The following THSD4 variants were observed in gnomAD, a reference collection of about 807,000 sequenced individuals.
THSD4 encodes the protein thrombospondin type 1 domain containing 4, also known as thrombospondin type-1 domain-containing protein 4.
A neutral mutation model predicts 119.0 loss-of-function variants in THSD4; 69 were observed. That is an observed-to-expected ratio of 0.58 (90% CI 0.48 to 0.71). The LOEUF is 0.71. Ranked by LOEUF, THSD4 falls within the 30% of genes least tolerant of loss-of-function variation. The probability of loss-of-function intolerance (pLI) is 0.00; values close to 1 mark genes in which losing one functional copy is unlikely to be tolerated. For missense variants in THSD4, 1,393 were observed against 1,391.1 expected (o/e 1.00, Z -0.02); for synonymous variants, 524 against 540.4 (o/e 0.97, Z 0.42).
intron 1 of THSD4, among the ~76,000 whole-genome samples, chr15:71,129,241 A>T (rs1381263713): frequency 6.6e-6 from 1 of 152,206 alleles, no homozygotes; most frequent in Middle Eastern, 3.2e-3. Context: ...TGCCTGAATG[A>T]GCGTGCAGGT....
At chr15:71,469,098 G>T (rs981399544) in intron 7 of THSD4, among the ~76,000 whole-genome samples, 1 of 152,174 alleles carries the variant, frequency 6.6e-6, no homozygotes, top group African/African-American at 2.4e-5. Flanking sequence ...TTCTTGCCTT[G>T]CTTAATTTGA....
chr15:71,549,442 A>G (rs533929269), intron 7 of THSD4, among the ~76,000 whole-genome samples: 4 of 152,230 alleles, frequency 2.6e-5, no homozygotes, highest in East Asian at 3.9e-4. Flanking sequence ...TACAATTAGG[A>G]TTCCTTTTTC....
intron 7 of THSD4, among the ~76,000 whole-genome samples, chr15:71,442,550 C>A (rs2047112549): frequency 1.1e-5 from 1 of 94,306 alleles, no homozygotes; most frequent in African/African-American, 4.1e-5. Context: ...GCCTGGGCAA[C>A]AGAGCAAAAC....
chr15:71,184,420 C>A (rs897976841), intron 3 of THSD4, among the ~76,000 whole-genome samples: 28 of 151,718 alleles, frequency 1.8e-4, no homozygotes, highest in African/African-American at 6.5e-4. Context: ...ATGCCCCGTG[C>A]CCTTGTTAAG....
At chr15:71,614,705 T>A (rs2050291432) in intron 7 of THSD4, among the ~76,000 whole-genome samples, 1 of 152,192 alleles carries the variant, frequency 6.6e-6, no homozygotes, top group South Asian at 2.1e-4. Context: ...TTGGTTATGA[T>A]CATGGTAGAG....
chr15:71,408,738 G>A (rs1441598629), intron 6 of THSD4, among the ~76,000 whole-genome samples: 1 of 152,090 alleles, frequency 6.6e-6, no homozygotes, highest in Non-Finnish European at 1.5e-5. Flanking sequence ...TGTAGTCCCA[G>A]CTACTCGGGA....
chr15:71,696,725 A>G (rs2052172519), intron 8 of THSD4, among the ~76,000 whole-genome samples: 1 of 152,194 alleles, frequency 6.6e-6, no homozygotes, highest in Admixed American at 6.5e-5. Context: ...AAATAACTTT[A>G]ACTAAAGAGA....
intron 6 of THSD4, among the ~76,000 whole-genome samples, chr15:71,387,442 T>A (rs950157375): frequency 1.1e-4 from 16 of 152,194 alleles, no homozygotes; most frequent in Non-Finnish European, 2.4e-4. Flanking sequence ...TTGTTTTCCT[T>A]CCCTAGAGTC....
chr15:71,243,696 A>G (rs573843653), intron 5 of THSD4, among the ~76,000 whole-genome samples: 4 of 152,264 alleles, frequency 2.6e-5, no homozygotes, highest in Admixed American at 2.6e-4. Context: ...TATCAGTTCA[A>G]TAAATATTTA....
intron 6 of THSD4, among the ~76,000 whole-genome samples, chr15:71,298,884 A>G (rs1403062167): frequency 6.6e-6 from 1 of 152,208 alleles, no homozygotes; most frequent in Non-Finnish European, 1.5e-5. Flanking sequence ...AAGTGCCAGG[A>G]TTACAGGCGT....
intron 7 of THSD4, among the ~76,000 whole-genome samples, chr15:71,539,307 T>C (rs958715164): frequency 6.6e-6 from 1 of 152,248 alleles, no homozygotes; most frequent in Non-Finnish European, 1.5e-5. Context: ...CCAGCTGCTT[T>C]CTTGACAAGA....
At chr15:71,257,930 A>C (rs1009666861) in intron 6 of THSD4, among the ~76,000 whole-genome samples, 2 of 152,082 alleles carry the variant, frequency 1.3e-5, no homozygotes, top group African/African-American at 4.8e-5. Flanking sequence ...GGTGGGGAAC[A>C]GGGTGAAGGG....
At chr15:71,512,329 A>G in intron 7 of THSD4, among the ~76,000 whole-genome samples, 1 of 152,226 alleles carries the variant, frequency 6.6e-6, no homozygotes, top group East Asian at 1.9e-4. Context: ...CAGCTTTATT[A>G]GGAGTACTGG....
chr15:71,643,720 A>G (rs1357658196), intron 7 of THSD4, among the ~76,000 whole-genome samples: 1 of 152,198 alleles, frequency 6.6e-6, no homozygotes, highest in Non-Finnish European at 1.5e-5. Flanking sequence ...ACATGTGGCT[A>G]TTTTGTCCAT....
At chr15:71,642,941 A>G (rs1057041938) in intron 7 of THSD4, among the ~76,000 whole-genome samples, 1 of 152,032 alleles carries the variant, frequency 6.6e-6, no homozygotes, top group African/African-American at 2.4e-5. Context: ...CCTAAAACTT[A>G]AAGTATAATA....
At chr15:71,546,424 T>C (rs1440404458) in intron 7 of THSD4, among the ~76,000 whole-genome samples, 3 of 152,220 alleles carry the variant, frequency 2.0e-5, no homozygotes, top group Admixed American at 2.0e-4. Context: ...AAGTGCATTG[T>C]AGGCTTTAGG....
chr15:71,469,927 A>G (rs1386671881), intron 7 of THSD4, among the ~76,000 whole-genome samples: 2 of 152,214 alleles, frequency 1.3e-5, no homozygotes, highest in Non-Finnish European at 2.9e-5. Flanking sequence ...AATTCATACA[A>G]TATAAATATG....
intron 3 of THSD4, among the ~76,000 whole-genome samples, chr15:71,193,836 T>G (rs2043695653): frequency 6.6e-6 from 1 of 151,892 alleles, no homozygotes; most frequent in Non-Finnish European, 1.5e-5. Flanking sequence ...GCCTCCCTAG[T>G]CCCCCCTGGG....
chr15:71,777,182 G>A, intron 17 of THSD4, 50 bp from the exon 18 acceptor site: 1 of 1,613,084 alleles, frequency 6.2e-7, no homozygotes, highest in South Asian at 1.1e-5. Context: ...CACTGGTCCA[G>A]GCTGCCTCTT....
Sources: allele counts gnomAD v4.1 joint callset (sites outside exome capture counted in the v4.1 genomes callset), GRCh38; gene constraint gnomAD v4.1.1; transcripts MANE v1.5; gene names NCBI Gene and HGNC (gene_info 2026-07-23, HGNC 2026-07-21).